Variants in DUSP19 observed in about 807,000 individuals in gnomAD.
The protein encoded by DUSP19 is dual specificity protein phosphatase 19.
A neutral mutation model predicts 16.6 loss-of-function variants in DUSP19; 14 were observed. That is an observed-to-expected ratio of 0.84 (90% CI 0.56 to 1.32). DUSP19 has a LOEUF of 1.32. Among genes scored for constraint, DUSP19 ranks in the 40% most tolerant of loss-of-function variants. DUSP19 has a pLI of 0.00. For missense variants in DUSP19, 258 were observed against 255.9 expected (o/e 1.01, Z -0.06); for synonymous variants, 81 against 90.5 (o/e 0.90, Z 0.59).
At chr2:183,092,272 T>G (rs1017825269) in intron 3 of DUSP19, among the ~76,000 whole-genome samples, 1 of 152,230 alleles carries the variant, frequency 6.6e-6, no homozygotes, top group Admixed American at 6.5e-5. Flanking sequence ...GTACAGGATG[T>G]GCAGGTTTGT....
At position 183,096,440 on chromosome 2, in the gene DUSP19, T is replaced by G. The variant is rs1477727842; in HGVS notation, c.*782T>G. On this transcript the variant is annotated 3_prime_UTR_variant, in exon 4 of 4. Transcript: ENST00000354221. ...TTAGTAGAGATGGAGTCTCACCACA[T>G]AGGCCAGGCAGTCTCGAACTCCTGA... 6.6e-6 allele frequency: 1 copy of G among 152,162 alleles called. No individual in the cohort carries two copies. Among genetic ancestry groups the G allele is most frequent in the Admixed American group, 6.6e-5 (1 of 15,254 alleles). The allele number at this position is 152,162 out of a possible 1,614,324, so 9.4% of individuals were successfully genotyped here.
At chr2:183,084,317 T>G (rs1699632989) in intron 2 of DUSP19, among the ~76,000 whole-genome samples, 2 of 151,942 alleles carry the variant, frequency 1.3e-5, no homozygotes, top group Non-Finnish European at 2.9e-5. Flanking sequence ...ATCCCAAGGC[T>G]TTGGGAGGCC....
At chr2:183,082,836 T>TCCTCCCTCCCTCCCTC (rs767449071) in intron 1 of DUSP19, among the ~76,000 whole-genome samples, 1 of 144,344 alleles carries the variant, frequency 6.9e-6, no homozygotes, top group African/African-American at 2.6e-5. Flanking sequence ...GTTCCTTCCT[T>TCCTCCCTCCCTCCCTC]CCTCCCTCCC....
rs201951308 is a variant in DUSP19, at chr2:183,096,237, C to CTTTTTTTTTTTTTTTTTTTTTT, written c.*588_*589insTTTTTTTTTTTTTTTTTTTTTT. On this transcript the variant is annotated 3_prime_UTR_variant, in exon 4 of 4. Coordinates refer to ENST00000354221, the MANE Select transcript of DUSP19 (RefSeq NM_080876.4). The stretch of plus-strand genomic sequence containing the variant: ...TATACACTTTTCATTTTGTCTTCTT[C>CTTTTTTTTTTTTTTTTTTTTTT]TTTTTTTTTCTTTTTTTAGATGGAG... The CTTTTTTTTTTTTTTTTTTTTTT allele has an allele frequency of 6.9e-6, 1 of 144,240 alleles. No individual in the cohort carries two copies. The highest frequency in any genetic ancestry group is 2.5e-5 in the African/African-American group (1 of 39,514). 8.9% of individuals were successfully genotyped at this position (144,240 alleles called of 1,614,324 possible). A position where few individuals can be genotyped will look rare whatever the true frequency, so the allele number is the denominator to read the frequency against.
chr2:183,083,428 A>G, intron 1 of DUSP19, 80 bp from the exon 2 acceptor site: 1 of 1,331,900 alleles, frequency 7.5e-7, no homozygotes, highest in Non-Finnish European at 1.0e-6. Flanking sequence ...TTTTTTAATA[A>G]CAGAATTGCT....
intron 2 of DUSP19, among the ~76,000 whole-genome samples, 167 bp from the exon 3 acceptor site, chr2:183,086,873 A>T (rs929068687): frequency 1.3e-5 from 2 of 152,044 alleles, no homozygotes; most frequent in African/African-American, 4.8e-5. Flanking sequence ...GAGAAAACAT[A>T]TAGTAGAAGG....
chr2:183,097,338 C>A lies in DUSP19; in HGVS notation c.*1680C>A, dbSNP rs1384089858. On this transcript the variant is annotated 3_prime_UTR_variant, in exon 4 of 4. Coordinates refer to ENST00000354221, the MANE Select transcript of DUSP19 (RefSeq NM_080876.4). ...CCACCACGCCTGGCCTGATAGTTTC[C>A]ACATAGTTTTTCATGACTTAGAAGA... 6.6e-6 allele frequency: 1 copy of A among 152,072 alleles called. No homozygotes were observed. The highest frequency in any genetic ancestry group is 1.5e-5 in the Non-Finnish European group (1 of 68,012). 9.4% of individuals were successfully genotyped at this position (152,072 alleles called of 1,614,324 possible).
chr2:183,088,407 T>TG (rs372522871), intron 3 of DUSP19, among the ~76,000 whole-genome samples: 11,130 of 148,994 alleles, frequency 0.075, 550 homozygotes, highest in South Asian at 0.13. Context: ...GTTTTTTTTT[T>TG]TTGTTTTTTT....
Position 183,095,426 on chromosome 2 carries a change from T to A in DUSP19, c.427-5T>A. 1 of 1,574,332 alleles carries A rather than the reference T, an allele frequency of 6.4e-7. No homozygotes were observed. Among genetic ancestry groups the A allele is most frequent in the Non-Finnish European group, 8.6e-7 (1 of 1,163,424 alleles). On this transcript the variant is annotated splice_polypyrimidine_tract_variant and splice_region_variant and intron_variant, in intron 3 of 3. Transcript: ENST00000354221. ...GAAGATTTTTGTTTGTTTTTTTTTTTGTAGGATGGAGTGGTTCTTGTTCAT... is the reference window on the plus strand; with the variant it reads ...GAAGATTTTTGTTTGTTTTTTTTTTAGTAGGATGGAGTGGTTCTTGTTCAT...
rs1699803987 is a variant in DUSP19 at position 183,096,477 on chromosome 2, C to T, written c.*819C>T. On this transcript the variant is annotated 3_prime_UTR_variant, in exon 4 of 4. Coordinates refer to ENST00000354221, the MANE Select transcript of DUSP19 (RefSeq NM_080876.4). ...TCTCGAACTCCTGACCTCAGGTGAT[C>T]CACCCACCTTGGCCTCTCTAAATAC... 2 of 151,972 alleles carry T rather than the reference C, an allele frequency of 1.3e-5. No homozygotes were observed. Among genetic ancestry groups the T allele is most frequent in the African/African-American group, 4.8e-5 (2 of 41,350 alleles). 9.4% of individuals were successfully genotyped at this position (151,972 alleles called of 1,614,324 possible).
At chr2:183,091,609 A>T (rs759602943) in intron 3 of DUSP19, among the ~76,000 whole-genome samples, 12 of 152,198 alleles carry the variant, frequency 7.9e-5, no homozygotes, top group Non-Finnish European at 1.5e-4. Flanking sequence ...CTGTGCAAAC[A>T]TCTGATTGGT....
intron 3 of DUSP19, among the ~76,000 whole-genome samples, chr2:183,092,425 T>G (rs1421011331): frequency 6.6e-6 from 1 of 152,108 alleles, no homozygotes; most frequent in Non-Finnish European, 1.5e-5. Flanking sequence ...CCAGTTTGTG[T>G]TGTTCCGCTC....
At chr2:183,090,621 G>C (rs1699720064) in intron 3 of DUSP19, among the ~76,000 whole-genome samples, 1 of 152,202 alleles carries the variant, frequency 6.6e-6, no homozygotes, top group Non-Finnish European at 1.5e-5. Context: ...AGCATTGTTA[G>C]CATTTTGATA....
chr2:183,080,431 C>T (rs146549361), intron 1 of DUSP19, among the ~76,000 whole-genome samples: 35 of 152,226 alleles, frequency 2.3e-4, no homozygotes, highest in African/African-American at 8.2e-4. Flanking sequence ...TCTACAGTCC[C>T]GTGAAAAACT....
chr2:183,079,187 A>G (rs1328231451), intron 1 of DUSP19, 28 bp downstream of exon 1: 5 of 1,594,196 alleles, frequency 3.1e-6, no homozygotes, highest in Non-Finnish European at 4.3e-6. Flanking sequence ...CCACTAGATC[A>G]TTGAGTCCTT....
At position 183,098,167 on chromosome 2, in the gene DUSP19, T is replaced by C. The variant is rs1175759901; in HGVS notation, c.*2509T>C. ...GCCTTGGTCTCCCAAAGTGCTGGGA[T>C]TACGGTGTTAGCCACTACACCTGGC... On this transcript the variant is annotated 3_prime_UTR_variant, in exon 4 of 4. Coordinates refer to ENST00000354221, the MANE Select transcript of DUSP19 (RefSeq NM_080876.4). 1 of 152,278 alleles carries C rather than the reference T, an allele frequency of 6.6e-6. No homozygotes were observed. The highest frequency in any genetic ancestry group is 2.4e-5 in the African/African-American group (1 of 41,458). The allele number at this position is 152,278 out of a possible 1,614,324, so 9.4% of individuals were successfully genotyped here.
chr2:183,091,798 G>A (rs1013536575), intron 3 of DUSP19, among the ~76,000 whole-genome samples: 4 of 152,182 alleles, frequency 2.6e-5, no homozygotes, highest in African/African-American at 7.2e-5. Flanking sequence ...ACTTAGGTGT[G>A]GAAAGTTAGG....
At chr2:183,087,258 A>G (rs1699674761) in intron 3 of DUSP19, 66 bp downstream of exon 3, 1 of 1,387,168 alleles carries the variant, frequency 7.2e-7, no homozygotes, top group Non-Finnish European at 9.7e-7. Context: ...CCATTACCCA[A>G]TCTTTATTAT....
At chr2:183,079,293 A>G (rs1699561659) in intron 1 of DUSP19, 134 bp downstream of exon 1, 6 of 894,240 alleles carry the variant, frequency 6.7e-6, no homozygotes, top group South Asian at 3.6e-5. Flanking sequence ...TTTTTTGGAT[A>G]TGGAACTTCC....
Sources: allele counts gnomAD v4.1 joint callset (sites outside exome capture counted in the v4.1 genomes callset), GRCh38; gene constraint gnomAD v4.1.1; transcripts MANE v1.5; gene names NCBI Gene and HGNC (gene_info 2026-07-23, HGNC 2026-07-21).